The following CTIF variants were observed in gnomAD, a reference collection of about 807,000 sequenced individuals.
The protein encoded by CTIF is CBP80/20-dependent translation initiation factor.
In CTIF, 21 loss-of-function variants were observed where a neutral mutation model predicts 66.0. The ratio of observed to expected loss-of-function variants is 0.32; its 90% CI spans 0.23 to 0.46. The LOEUF (loss-of-function observed/expected upper bound fraction) is 0.46, where lower values mean the gene tolerates loss of function less well. Ranked by LOEUF, CTIF falls within the 20% of genes least tolerant of loss-of-function variation. The pLI is 1.00. For synonymous variants in CTIF, 345 were observed against 326.4 expected, an observed-to-expected ratio of 1.06 and a Z score of -0.62; for missense variants, 739 against 812.7, an observed-to-expected ratio of 0.91 and a Z score of 1.10.
Position 48,674,370 on chromosome 18 carries a change from C to G in CTIF, c.507+3626C>G, listed in dbSNP as rs145357816. Among the ~76,000 whole-genome samples, 116 of 152,358 alleles carry G rather than the reference C, an allele frequency of 7.6e-4. 2 individuals carry two copies. In the East Asian group the frequency reaches 0.016, roughly 22 times the overall value. On this transcript the variant is annotated intron_variant, in intron 6 of 11. Coordinates refer to ENST00000256413, the MANE Select transcript of CTIF (RefSeq NM_014772.3). ...CTGCTGCAGCTCCTGCAGTCTGGGG[C>G]GTGAATGTGTGGCTGAGTACAAAGC... is the stretch of plus-strand genomic sequence containing the variant.
chr18:48,857,582 C>T lies in CTIF; in HGVS notation c.1528-6C>T, dbSNP rs775094663. 6.2e-7 allele frequency: 1 copy of T among 1,609,048 alleles called. No homozygotes were observed. ...CAGTGGTGCTCTCTGCCCCTCTCTTCCACAGCTCTTGCAATCTCAGGATGT... is the reference window on the plus strand; with the variant it reads ...CAGTGGTGCTCTCTGCCCCTCTCTTTCACAGCTCTTGCAATCTCAGGATGT... On this transcript the variant is annotated splice_region_variant and splice_polypyrimidine_tract_variant and intron_variant, in intron 10 of 11. Coordinates refer to ENST00000256413, the MANE Select transcript of CTIF (RefSeq NM_014772.3).
At chr18:48,620,602 T>C (rs1019796748) in intron 2 of CTIF, among the ~76,000 whole-genome samples, 4 of 152,246 alleles carry the variant, frequency 2.6e-5, no homozygotes, top group Middle Eastern at 3.4e-3. Context: ...TGTTGGAAGG[T>C]CAAAGACAGT....
In CTIF at chr18:48,827,880, C is replaced by T. The variant is rs541566477; in HGVS notation, c.1527+10504C>T. Among the ~76,000 whole-genome samples the T allele has an allele frequency of 9.9e-5, 15 of 152,230 alleles. No individual in the cohort carries two copies. In the East Asian group the frequency reaches 2.1e-3, roughly 22 times the overall value. On this transcript the variant is annotated intron_variant, in intron 10 of 11. Transcript: ENST00000256413. Reference sequence around the variant, plus strand: ...CAGTGAAGTTAACTCAGCGGGGTGACGCCGACCTACCCAGACCCCCACGCC... The same window carrying T: ...CAGTGAAGTTAACTCAGCGGGGTGATGCCGACCTACCCAGACCCCCACGCC...
chr18:48,805,429 C>T (rs1360357176), intron 9 of CTIF, among the ~76,000 whole-genome samples: 1 of 147,100 alleles, frequency 6.8e-6, no homozygotes, highest in Non-Finnish European at 1.5e-5. Context: ...GAAAGCCTGC[C>T]GGGGGGATTG....
In CTIF at chr18:48,857,671, C is replaced by T. The variant is rs373095752; in HGVS notation, c.1581+30C>T. 9 of 1,588,798 alleles carry T rather than the reference C, an allele frequency of 5.7e-6. No homozygotes were observed. In the African/African-American group the frequency reaches 1.1e-4, roughly 19 times the overall value. ...GCTTTGGGGCTTCGACATCCCCAAC[C>T]TCAAAGCCGGTGCATCTCTCATGCC... is the stretch of plus-strand genomic sequence containing the variant. On this transcript the variant is annotated intron_variant, in intron 11 of 11. Coordinates refer to ENST00000256413, the MANE Select transcript of CTIF (RefSeq NM_014772.3).
chr18:48,672,389 C>T (rs573406878), intron 6 of CTIF, among the ~76,000 whole-genome samples: 1 of 152,306 alleles, frequency 6.6e-6, no homozygotes, highest in South Asian at 2.1e-4. Context: ...ATTTAGGACT[C>T]CTGGCCTCTG....
rs1028593890 is a variant in CTIF, at chr18:48,626,297, G to T, written c.180+6552G>T. On this transcript the variant is annotated intron_variant, in intron 2 of 11. Transcript: ENST00000256413. Reference sequence around the variant, plus strand: ...ATTACAGGCGTGAGCCACCGCGCCCGGCCACATTGTCTTTATTTCTAATGA... The same window carrying T: ...ATTACAGGCGTGAGCCACCGCGCCCTGCCACATTGTCTTTATTTCTAATGA... Among the ~76,000 whole-genome samples, 36 of 151,830 alleles carry T rather than the reference G, an allele frequency of 2.4e-4. 1 individual carries two copies. The highest frequency in any genetic ancestry group is 2.4e-3 in the Admixed American group (36 of 15,250).
rs1015469762 is a variant in CTIF, at chr18:48,722,799, G to A, written c.584+11104G>A. Among the ~76,000 whole-genome samples the A allele has an allele frequency of 2.6e-5, 4 of 152,184 alleles. No individual in the cohort carries two copies. In the East Asian group the frequency reaches 7.7e-4, roughly 29 times the overall value. On this transcript the variant is annotated intron_variant, in intron 7 of 11. Transcript: ENST00000256413. ...CGGCGCTCACAGGTGTAAGCACCCG[G>A]CCATACCCATCGGCGCTCATAGGTG...
chr18:48,814,125 T>C (rs768823940), intron 9 of CTIF, among the ~76,000 whole-genome samples: 7 of 152,220 alleles, frequency 4.6e-5, no homozygotes, highest in South Asian at 2.1e-4. Context: ...GGAACTGTTA[T>C]CTTCCTTCTC....
At chr18:48,717,737 T>A (rs896506184) in intron 7 of CTIF, among the ~76,000 whole-genome samples, 3 of 151,816 alleles carry the variant, frequency 2.0e-5, no homozygotes, top group African/African-American at 7.2e-5. Flanking sequence ...CCTTCAAAAT[T>A]TTTTTTAGCA....
chr18:48,863,196 A>AACAAACAG lies in CTIF; in HGVS notation c.*3640_*3641insAACAGACA, dbSNP rs386387622. The AACAAACAG allele has an allele frequency of 1.3e-5, 2 of 151,374 alleles. No homozygotes were observed. The highest frequency in any genetic ancestry group is 1.9e-4 in the East Asian group (1 of 5,186). 9.4% of individuals were successfully genotyped at this position (151,374 alleles called of 1,614,324 possible). ...AACTACAAGTGGGTTTAAAAAAATA[A>AACAAACAG]ACACCACCACCAAAAACAAAATGCC... On this transcript the variant is annotated 3_prime_UTR_variant, in exon 12 of 12. Coordinates refer to ENST00000256413, the MANE Select transcript of CTIF (RefSeq NM_014772.3).
intron 2 of CTIF, among the ~76,000 whole-genome samples, chr18:48,629,674 C>A (rs796557229): frequency 1.3e-5 from 2 of 150,948 alleles, no homozygotes; most frequent in Non-Finnish European, 2.9e-5. Flanking sequence ...TTTGTCTAAT[C>A]CAAGATGACA....
Position 48,758,336 on chromosome 18 carries a change from C to G in CTIF, c.1002C>G (p.Ile334Met), listed in dbSNP as rs374508527. 1 of 1,612,244 alleles carries G rather than the reference C, an allele frequency of 6.2e-7. No individual in the cohort carries two copies. Among genetic ancestry groups the G allele is most frequent in the African/African-American group, 1.3e-5 (1 of 75,032 alleles). The change falls in exon 8 of 12, where the codon ATC (isoleucine) becomes ATG (methionine). Residue 334 changes from isoleucine to methionine, a missense_variant. This residue lies in a region of CTIF where 529 missense variants were observed against 520.3 expected (regional missense o/e 1.02). Transcript: ENST00000256413. ...KRKDSILPER[I>M]GERPKITLLQ... ...AAGACAGTATTCTTCCCGAGCGCAT[C>G]GGGGAGCGGCCCAAAATTACCCTGC...
chr18:48,797,415 G>A (rs7243946), intron 9 of CTIF, among the ~76,000 whole-genome samples: 15,277 of 151,274 alleles, frequency 0.1, 841 homozygotes, highest in Admixed American at 0.16. Context: ...CCCAGTGGGC[G>A]GAGGTTGCAG....
At chr18:48,624,080 G>GACACCACGCCCCTCCCCATGCTTC in intron 2 of CTIF, among the ~76,000 whole-genome samples, 1 of 122,546 alleles carries the variant, frequency 8.2e-6, no homozygotes, top group Non-Finnish European at 1.7e-5. Flanking sequence ...CCCCATGTTT[G>GACACCACGCCCCTCCCCATGCTTC]ACACCACGCC....
chr18:48,652,504 C>T (rs1208830922), intron 3 of CTIF, among the ~76,000 whole-genome samples: 2 of 152,124 alleles, frequency 1.3e-5, no homozygotes, highest in Admixed American at 6.5e-5. Flanking sequence ...AGCCTACCAA[C>T]CAAAAAAAGT....
At chr18:48,841,026 G>A (rs2068927934) in intron 10 of CTIF, among the ~76,000 whole-genome samples, 1 of 152,194 alleles carries the variant, frequency 6.6e-6, no homozygotes, top group African/African-American at 2.4e-5. Context: ...TGGTGGCAGA[G>A]GAGTGGGCCA....
chr18:48,632,560 C>A (rs113851178), intron 2 of CTIF, among the ~76,000 whole-genome samples: 2 of 152,152 alleles, frequency 1.3e-5, no homozygotes, highest in African/African-American at 2.4e-5. Context: ...CCACTTCCCC[C>A]CTGGGCCAGT....
intron 1 of CTIF, among the ~76,000 whole-genome samples, chr18:48,545,487 G>A (rs2088724360): frequency 6.6e-6 from 1 of 152,186 alleles, no homozygotes; most frequent in Non-Finnish European, 1.5e-5. Flanking sequence ...TTAGTTGGGA[G>A]TAAAGTCCGC....
Sources: allele counts gnomAD v4.1 joint callset (sites outside exome capture counted in the v4.1 genomes callset), GRCh38; gene constraint gnomAD v4.1.1; regional missense constraint gnomAD v4.1.1; transcripts MANE v1.5; gene names NCBI Gene and HGNC (gene_info 2026-07-23, HGNC 2026-07-21).